PDE2A: variants seen among roughly 807,000 people sequenced by gnomAD.
PDE2A encodes cGMP-dependent 3',5'-cyclic phosphodiesterase.
Under a neutral mutation model 133.6 loss-of-function variants are expected in PDE2A, and 53 were observed. That is an observed-to-expected ratio of 0.40 (90% CI 0.32 to 0.50). The LOEUF is 0.50. PDE2A is among the 20% of genes least tolerant of loss of function. PDE2A has a pLI of 0.73. For missense variants in PDE2A, 796 were observed against 1,232.4 expected (o/e 0.65, Z 5.30); for synonymous variants, 491 against 490.2 (o/e 1.00, Z -0.02).
chr11:72,642,481 GGCCCGCCCCCC>G (rs1037813772), intron 1 of PDE2A, 155 bp from the exon 2 acceptor site: 77 of 654,192 alleles, frequency 1.2e-4, no homozygotes, highest in Admixed American at 8.8e-4. Flanking sequence ...GCCCCGCCCC[GGCCCGCCCCCC>G]GCCCGCCCCC....
At chr11:72,585,671 A>C (rs1591022589) in intron 14 of PDE2A, 78 bp from the exon 15 acceptor site, 1 of 1,280,726 alleles carries the variant, frequency 7.8e-7, no homozygotes, top group African/African-American at 1.5e-5. Context: ...CTCCAACAGC[A>C]CCCGGGTCTT....
At chr11:72,600,138 A>T (rs1305150427) in intron 4 of PDE2A, among the ~76,000 whole-genome samples, 1 of 152,176 alleles carries the variant, frequency 6.6e-6, no homozygotes, top group African/African-American at 2.4e-5. Flanking sequence ...CCAGGGCCCT[A>T]TGGAGCTGGG....
At chr11:72,667,196 C>G (rs1855261849) in intron 1 of PDE2A, among the ~76,000 whole-genome samples, 2 of 152,204 alleles carry the variant, frequency 1.3e-5, no homozygotes, top group African/African-American at 4.8e-5. Context: ...CATTCTCACC[C>G]TCTCAGATCA....
At chr11:72,612,170 T>A (rs1376314491) in intron 2 of PDE2A, among the ~76,000 whole-genome samples, 3 of 152,036 alleles carry the variant, frequency 2.0e-5, no homozygotes, top group Non-Finnish European at 4.4e-5. Context: ...CCTCTACTCA[T>A]ACGTATATGC....
At position 72,590,353 on chromosome 11, in the gene PDE2A, C is replaced by A. The variant is rs536728833; in HGVS notation, c.703+74G>T. 3.3e-4 allele frequency: 508 copies of A among 1,539,788 alleles called. No homozygotes were observed. Among genetic ancestry groups the A allele is most frequent in the Non-Finnish European group, 4.2e-4 (473 of 1,137,640 alleles). On this transcript the variant is annotated intron_variant, in intron 8 of 30. Coordinates refer to ENST00000334456, the MANE Select transcript of PDE2A (RefSeq NM_002599.5). This position sits in a 1 kb window ranked among gnomAD's most constrained non-coding sequence, Gnocchi z 4.8. ...CGGGCCCGCCGCCGGCTCCCGGGAT[C>A]GCCTAACCCGCCCACCTCCCCTCCA... is the stretch of plus-strand genomic sequence containing the variant.
At chr11:72,652,854 G>A (rs952541843) in intron 1 of PDE2A, among the ~76,000 whole-genome samples, 2 of 152,178 alleles carry the variant, frequency 1.3e-5, no homozygotes, top group Non-Finnish European at 2.9e-5. Flanking sequence ...TGGCTTCAGG[G>A]CTGTACTTGA....
Position 72,596,689 on chromosome 11 carries a change from C to T in PDE2A, c.434-41G>A, listed in dbSNP as rs116371564. The T allele has an allele frequency of 3.1e-3, 4,132 of 1,343,318 alleles. 16 individuals carry two copies. The highest frequency in any genetic ancestry group is 0.02 in the African/African-American group (1,302 of 66,670). 83.2% of individuals were successfully genotyped at this position (1,343,318 alleles called of 1,614,324 possible). On this transcript the variant is annotated intron_variant, in intron 5 of 30. Transcript: ENST00000334456. ...CAATGAGGTGCTCCTGCAGGGCTGGCGAGGCTCAGAGATACCGAGCCGGGA... is the reference window on the plus strand; with the variant it reads ...CAATGAGGTGCTCCTGCAGGGCTGGTGAGGCTCAGAGATACCGAGCCGGGA...
At chr11:72,632,815 C>T (rs236034) in intron 2 of PDE2A, among the ~76,000 whole-genome samples, 13 of 152,054 alleles carry the variant, frequency 8.5e-5, no homozygotes, top group Middle Eastern at 6.8e-3. Flanking sequence ...TTCCCTCCCC[C>T]CAGCAGAGGC....
Position 72,582,539 on chromosome 11 carries a change from G to A in PDE2A, c.1756C>T (p.Leu586Phe), listed in dbSNP as rs1379243225. Residue 586 changes from leucine (L) to phenylalanine (F), a missense_variant, in exon 21 of 31, where the codon CTC (leucine) becomes TTC (phenylalanine). Physicochemically the swap from Leu to Phe is conservative, Grantham distance 22. Around this residue, in one of 7 missense-constraint regions of PDE2A, gnomAD observed 218 missense variants for 465.9 expected, o/e 0.47. Transcript: ENST00000334456. ...KVSDDEYTKLLHDGIQPVAAI... is the reference protein window; with the variant it reads ...KVSDDEYTKLFHDGIQPVAAI... The stretch of plus-strand genomic sequence containing the variant: ...GCCACAGGCTGGATCCCATCATGGA[G>A]AAGTTTGGTATACTCATCATCGGAG... 6.2e-7 allele frequency: 1 copy of A among 1,613,554 alleles called. No homozygotes were observed. Among genetic ancestry groups the A allele is most frequent in the Non-Finnish European group, 8.5e-7 (1 of 1,179,638 alleles).
chr11:72,588,713 G>T, intron 13 of PDE2A, 71 bp downstream of exon 13: 2 of 1,484,766 alleles, frequency 1.3e-6, no homozygotes, highest in Non-Finnish European at 1.8e-6. Flanking sequence ...ATCCCACATT[G>T]TTACCCTCGT....
At chr11:72,584,835 A>ACC (rs1855891200) in intron 17 of PDE2A, 37 bp downstream of exon 17, 1 of 1,609,660 alleles carries the variant, frequency 6.2e-7, no homozygotes, top group Non-Finnish European at 8.5e-7. Flanking sequence ...ACTCCCGGAC[A>ACC]CCCCTAGGGC....
In PDE2A at chr11:72,611,100, C is replaced by T. The variant is rs191601358; in HGVS notation, c.145-2349G>A. Among the ~76,000 whole-genome samples, 36 of 152,328 alleles carry T rather than the reference C, an allele frequency of 2.4e-4. No individual in the cohort carries two copies. The South Asian group carries it at 5.8e-3, about 25-fold the overall frequency. The stretch of plus-strand genomic sequence containing the variant: ...GGAGGCAGAGGAGCCCACAAGCTGA[C>T]TCCTGAGAGGCCCTGCCCTTGGTGG... On this transcript the variant is annotated intron_variant, in intron 2 of 30. Coordinates refer to ENST00000334456, the MANE Select transcript of PDE2A (RefSeq NM_002599.5).
In PDE2A at chr11:72,590,941, A is replaced by G; in HGVS notation, c.549+356T>C. Reference sequence around the variant, plus strand: ...TCAGGCATGAAAGAGCCTCAGTATCATTATGTGGAGGGTTCTTTCTAAGTA... The same window carrying G: ...TCAGGCATGAAAGAGCCTCAGTATCGTTATGTGGAGGGTTCTTTCTAAGTA... On this transcript the variant is annotated intron_variant, in intron 7 of 30. Coordinates refer to ENST00000334456, the MANE Select transcript of PDE2A (RefSeq NM_002599.5). The surrounding 1 kb of genome is among the most constrained non-coding windows in gnomAD (Gnocchi z 4.8). The G allele has an allele frequency of 2.8e-6, 1 of 355,870 alleles. No homozygotes were observed. The highest frequency in any genetic ancestry group is 5.0e-6 in the Non-Finnish European group (1 of 198,526). 22.0% of individuals were successfully genotyped at this position (355,870 alleles called of 1,614,324 possible). A position where few individuals can be genotyped will look rare whatever the true frequency, so the allele number is the denominator to read the frequency against.
At chr11:72,667,861 G>A (rs1405095248) in intron 1 of PDE2A, among the ~76,000 whole-genome samples, 1 of 127,302 alleles carries the variant, frequency 7.9e-6, no homozygotes, top group Non-Finnish European at 1.7e-5. Flanking sequence ...GCAAGACACT[G>A]TCTCTATTAA....
Position 72,599,870 on chromosome 11 carries a change from C to T in PDE2A, c.324-2251G>A, listed in dbSNP as rs187473209. Reference sequence around the variant, plus strand: ...CCACGCTTCAGTCGGGAGATGAGAGCTCTGCCAAAGGCAGGAAGAGCAGGC... The same window carrying T: ...CCACGCTTCAGTCGGGAGATGAGAGTTCTGCCAAAGGCAGGAAGAGCAGGC... On this transcript the variant is annotated intron_variant, in intron 4 of 30. Coordinates refer to ENST00000334456, the MANE Select transcript of PDE2A (RefSeq NM_002599.5). Among the ~76,000 whole-genome samples, 168 of 152,338 alleles carry T rather than the reference C, an allele frequency of 1.1e-3. 1 individual carries two copies. The highest frequency in any genetic ancestry group is 9.6e-3 in the Admixed American group (147 of 15,310).
intron 12 of PDE2A, 89 bp downstream of exon 12, chr11:72,589,086 C>T: frequency 7.6e-7 from 1 of 1,309,702 alleles, no homozygotes. Flanking sequence ...TGCCCCATTC[C>T]TAGGCTGCTC....
intron 2 of PDE2A, among the ~76,000 whole-genome samples, chr11:72,614,409 G>A (rs1416442784): frequency 6.6e-6 from 1 of 152,212 alleles, no homozygotes; most frequent in Non-Finnish European, 1.5e-5. Context: ...AACTGTCAGT[G>A]TCATGCTTGA....
chr11:72,641,673 G>A (rs1296577158), intron 2 of PDE2A, among the ~76,000 whole-genome samples: 1 of 152,222 alleles, frequency 6.6e-6, no homozygotes, highest in Non-Finnish European at 1.5e-5. Flanking sequence ...AAGGGATCGG[G>A]GAGTGGGTCC....
intron 2 of PDE2A, among the ~76,000 whole-genome samples, chr11:72,637,976 G>A (rs1858776321): frequency 6.6e-6 from 1 of 152,212 alleles, no homozygotes; most frequent in African/African-American, 2.4e-5. Context: ...GCCATGGTCA[G>A]GACGGGTATG....
Sources: allele counts gnomAD v4.1 joint callset (sites outside exome capture counted in the v4.1 genomes callset), GRCh38; gene constraint gnomAD v4.1.1; regional missense constraint gnomAD v4.1.1; non-coding constraint Gnocchi (gnomAD v3.1); transcripts MANE v1.5; gene names NCBI Gene and HGNC (gene_info 2026-07-23, HGNC 2026-07-21).